TMEM266: variants seen among roughly 807,000 people sequenced by gnomAD.
TMEM266 encodes the protein transmembrane protein 266.
Under a neutral mutation model 50.5 loss-of-function variants are expected in TMEM266, and 33 were observed. That is an observed-to-expected ratio of 0.65 (90% CI 0.50 to 0.87). The LOEUF (loss-of-function observed/expected upper bound fraction) is 0.87. Among genes scored for constraint, TMEM266 ranks in the 40% least tolerant of loss-of-function variants. The pLI, the probability that TMEM266 is intolerant of heterozygous loss-of-function variation, is 0.00. For missense variants in TMEM266, 655 were observed against 695.1 expected (o/e 0.94, Z 0.65); for synonymous variants, 310 against 292.3 (o/e 1.06, Z -0.62).
At chr15:76,192,752 A>G (rs2038600413) in intron 9 of TMEM266, among the ~76,000 whole-genome samples, 1 of 152,160 alleles carries the variant, frequency 6.6e-6, no homozygotes, top group Admixed American at 6.5e-5. Flanking sequence ...CGAGATTCAA[A>G]TCCCAACTCT....
At chr15:76,163,950 C>T (rs1472024330) in intron 5 of TMEM266, among the ~76,000 whole-genome samples, 1 of 152,196 alleles carries the variant, frequency 6.6e-6, no homozygotes, top group Non-Finnish European at 1.5e-5. Context: ...ATTTAGTACC[C>T]ACACGGTGAT....
intron 2 of TMEM266, among the ~76,000 whole-genome samples, chr15:76,135,095 C>T (rs1050428245): frequency 2.6e-5 from 4 of 152,250 alleles, no homozygotes; most frequent in African/African-American, 9.6e-5. Flanking sequence ...CCTGGCTCTT[C>T]TACCATCTAA....
In TMEM266 at chr15:76,161,462, G is replaced by GCTCTCT. The variant is rs374927714; in HGVS notation, c.456+1308_456+1313dup. Among the ~76,000 whole-genome samples the GCTCTCT allele has an allele frequency of 5.3e-5, 8 of 150,210 alleles. No homozygotes were observed. The highest frequency in any genetic ancestry group is 1.0e-4 in the Non-Finnish European group (7 of 67,400). On this transcript the variant is annotated intron_variant, in intron 5 of 10. Transcript: ENST00000388942. This position sits in a 1 kb window ranked among gnomAD's most constrained non-coding sequence, Gnocchi z 4.1. ...CCCCTCTGGCCTAGCTAATGGCTCT[G>GCTCTCT]CTCTCTCTCTCTCTCTCTCCCTAAA... is the stretch of plus-strand genomic sequence containing the variant.
intron 1 of TMEM266, among the ~76,000 whole-genome samples, chr15:76,127,431 A>T (rs2037441056): frequency 6.6e-6 from 1 of 151,710 alleles, no homozygotes; most frequent in African/African-American, 2.4e-5. Flanking sequence ...GTCTCAAGCA[A>T]TTCTCCCACT....
intron 9 of TMEM266, among the ~76,000 whole-genome samples, chr15:76,193,944 T>C (rs948264590): frequency 1.3e-5 from 2 of 152,224 alleles, no homozygotes; most frequent in African/African-American, 4.8e-5. Flanking sequence ...TTGGTCCCTC[T>C]CAGAGTAATA....
intron 10 of TMEM266, 93 bp downstream of exon 10, chr15:76,202,357 C>T (rs781639443): frequency 9.9e-6 from 11 of 1,113,250 alleles, no homozygotes; most frequent in Non-Finnish European, 1.4e-5. Flanking sequence ...GCATGCCCAT[C>T]ACCTGGTGCC....
chr15:76,124,110 G>C (rs1231239379), intron 1 of TMEM266, among the ~76,000 whole-genome samples: 2 of 152,222 alleles, frequency 1.3e-5, no homozygotes, highest in Non-Finnish European at 2.9e-5. Flanking sequence ...CCCTGTCCTA[G>C]CTCTGCCCAG....
intron 9 of TMEM266, among the ~76,000 whole-genome samples, chr15:76,194,530 C>G (rs2038627121): frequency 6.6e-6 from 1 of 152,204 alleles, no homozygotes; most frequent in South Asian, 2.1e-4. Flanking sequence ...TAACAAAATG[C>G]CACAGACTGG....
At chr15:76,162,053 C>T (rs975972790) in intron 5 of TMEM266, among the ~76,000 whole-genome samples, 6 of 152,230 alleles carry the variant, frequency 3.9e-5, no homozygotes, top group African/African-American at 1.4e-4. Context: ...AACAGACAAA[C>T]CCCTGTGCAC....
intron 2 of TMEM266, 113 bp downstream of exon 2, chr15:76,134,414 G>A: frequency 8.9e-7 from 1 of 1,119,514 alleles, no homozygotes; most frequent in Non-Finnish European, 1.3e-6. Flanking sequence ...TTAGCAGGAG[G>A]CCACAGAAAA....
Position 76,175,658 on chromosome 15 carries a change from T to A in TMEM266, c.752T>A (p.Ile251Asn). The change falls in exon 8 of 11, where the codon ATC (isoleucine) becomes AAC (asparagine). Residue 251 changes from isoleucine to asparagine, a missense_variant. Physicochemically the swap from Ile to Asn is moderately radical, Grantham distance 149. This residue lies in a region of TMEM266 where 455 missense variants were observed against 401.8 expected (regional missense o/e 1.13). Coordinates refer to ENST00000388942, the MANE Select transcript of TMEM266 (RefSeq NM_152335.3). ...TQICQEQGFE[I>N]RQLRAHLAQQ... is the part of the protein sequence containing the mutation. ...GAGCAGCTGGAGAGGCTGACGCAGA[T>A]CTGTCAGGAGCAAGGGGTAATGCAC... 6.2e-7 allele frequency: 1 copy of A among 1,614,100 alleles called. No individual in the cohort carries two copies. Among genetic ancestry groups the A allele is most frequent in the Non-Finnish European group, 8.5e-7 (1 of 1,179,952 alleles).
chr15:76,177,216 T>C (rs2038297923), intron 8 of TMEM266, among the ~76,000 whole-genome samples: 1 of 152,236 alleles, frequency 6.6e-6, no homozygotes, highest in Non-Finnish European at 1.5e-5. Flanking sequence ...CTGAAATAGA[T>C]GCCCCCTGAA....
At chr15:76,184,903 C>T (rs939459724) in intron 8 of TMEM266, among the ~76,000 whole-genome samples, 1 of 152,200 alleles carries the variant, frequency 6.6e-6, no homozygotes, top group Non-Finnish European at 1.5e-5. Context: ...GCTGTGACTG[C>T]ACTTTAATTC....
intron 1 of TMEM266, among the ~76,000 whole-genome samples, chr15:76,078,742 C>T (rs1359711771): frequency 6.6e-6 from 1 of 152,174 alleles, no homozygotes; most frequent in Non-Finnish European, 1.5e-5. Context: ...AGAACAACCT[C>T]AACTCGTGTA....
intron 1 of TMEM266, among the ~76,000 whole-genome samples, chr15:76,061,587 C>T (rs570883042): frequency 6.6e-6 from 1 of 152,226 alleles, no homozygotes; most frequent in Admixed American, 6.5e-5. Flanking sequence ...TCTGCACCAA[C>T]TTTGTGGCTT....
chr15:76,178,818 A>G (rs2038344098), intron 8 of TMEM266: 1 of 152,242 alleles, frequency 6.6e-6, no homozygotes, highest in Non-Finnish European at 1.5e-5. Context: ...GAACCATTTT[A>G]ATTTAAAAAA....
Position 76,130,234 on chromosome 15 carries a change from A to C in TMEM266, c.-96-3934A>C, listed in dbSNP as rs1049374078. ...AGACCCTGTCAAAAAAAAAAAAAAA[A>C]AAAAAAAAAAAAAAAAAAAACCGCC... On this transcript the variant is annotated intron_variant, in intron 1 of 10. Coordinates refer to ENST00000388942, the MANE Select transcript of TMEM266 (RefSeq NM_152335.3). 3.4e-4 allele frequency among the ~76,000 whole-genome samples: 44 copies of C among 130,596 alleles called. 1 individual carries two copies. Among genetic ancestry groups the C allele is most frequent in the African/African-American group, 1.1e-3 (39 of 34,762 alleles). 85.7% of individuals were successfully genotyped at this position (130,596 alleles called of 152,430 possible). A position where few individuals can be genotyped will look rare whatever the true frequency, so the allele number is the denominator to read the frequency against.
At chr15:76,201,531 T>C (rs1296552070) in intron 9 of TMEM266, among the ~76,000 whole-genome samples, 1 of 152,122 alleles carries the variant, frequency 6.6e-6, no homozygotes, top group East Asian at 1.9e-4. Flanking sequence ...GTGTGCATCA[T>C]CACGCCCAGC....
At chr15:76,067,147 T>C (rs1352513359) in intron 1 of TMEM266, among the ~76,000 whole-genome samples, 1 of 152,168 alleles carries the variant, frequency 6.6e-6, no homozygotes, top group Non-Finnish European at 1.5e-5. Flanking sequence ...TTGGGTCAAA[T>C]GAAGATGAAG....
Sources: allele counts gnomAD v4.1 joint callset (sites outside exome capture counted in the v4.1 genomes callset), GRCh38; gene constraint gnomAD v4.1.1; regional missense constraint gnomAD v4.1.1; non-coding constraint Gnocchi (gnomAD v3.1); transcripts MANE v1.5; gene names NCBI Gene and HGNC (gene_info 2026-07-23, HGNC 2026-07-21).